Variants in CEP128 observed in about 807,000 individuals in gnomAD.
The protein encoded by CEP128 is centrosomal protein 128kDa.
A neutral mutation model predicts 156.7 loss-of-function variants in CEP128; 132 were observed. The ratio of observed to expected loss-of-function variants is 0.84; its 90% CI spans 0.73 to 0.97. The LOEUF is 0.97. Ranked by LOEUF, CEP128 falls within the 50% of genes least tolerant of loss-of-function variation. The pLI is 0.00. For missense variants in CEP128, 1,252 were observed against 1,281.9 expected, an observed-to-expected ratio of 0.98 and a Z score of 0.36; for synonymous variants, 469 against 448.9, an observed-to-expected ratio of 1.04 and a Z score of -0.57.
At chr14:80,691,996 G>A (rs891652476) in intron 19 of CEP128, among the ~76,000 whole-genome samples, 9 of 152,066 alleles carry the variant, frequency 5.9e-5, no homozygotes, top group African/African-American at 1.7e-4. Flanking sequence ...TCTTGCACAC[G>A]GACAGGCTGG....
At position 80,939,383 on chromosome 14, in the gene CEP128, A is replaced by G. The variant is rs1344062169; in HGVS notation, c.-16+2T>C. On this transcript the variant is annotated splice_donor_variant, in intron 2 of 24. Transcript: ENST00000555265. LOFTEE classifies it low-confidence loss of function (5UTR_SPLICE). ...AGAAACTCAGGGAGAAAGCATACTT[A>G]CAAAGCACACCCCCAAAACTCCGAG... The G allele has an allele frequency of 6.6e-6, 1 of 152,244 alleles. No homozygotes were observed. The highest frequency in any genetic ancestry group is 2.4e-5 in the African/African-American group (1 of 41,466). The allele number at this position is 152,244 out of a possible 1,614,324, so 9.4% of individuals were successfully genotyped here. A position where few individuals can be genotyped will look rare whatever the true frequency, so the allele number is the denominator to read the frequency against.
intron 16 of CEP128, among the ~76,000 whole-genome samples, chr14:80,764,554 A>T (rs1900144961): frequency 6.6e-6 from 1 of 152,136 alleles, no homozygotes. Flanking sequence ...CCACTTCACT[A>T]TCCTCTGTGG....
At chr14:80,704,490 A>G (rs995870597) in intron 19 of CEP128, among the ~76,000 whole-genome samples, 5 of 152,062 alleles carry the variant, frequency 3.3e-5, no homozygotes, top group Admixed American at 6.6e-5. Context: ...GAATATGTAC[A>G]CATTAGAATT....
intron 4 of CEP128, 65 bp from the exon 5 acceptor site, chr14:80,906,146 C>G (rs550284740): frequency 8.2e-7 from 1 of 1,222,322 alleles, no homozygotes; most frequent in African/African-American, 1.6e-5. Flanking sequence ...TACAAATAGA[C>G]CACAGATTTT....
At chr14:80,926,652 T>G (rs1033437321) in intron 2 of CEP128, among the ~76,000 whole-genome samples, 6 of 152,128 alleles carry the variant, frequency 3.9e-5, no homozygotes, top group African/African-American at 1.4e-4. Context: ...ATACCTCCCC[T>G]GGGTAACATA....
intron 18 of CEP128, among the ~76,000 whole-genome samples, chr14:80,755,493 A>G (rs162178): frequency 0.34 from 52,140 of 152,004 alleles, 9,373 homozygotes; most frequent in South Asian, 0.49. Context: ...TTATGCCACC[A>G]GTGCCAACAA....
chr14:80,482,654 C>A (rs932721771), intron 14 of CEP128, among the ~76,000 whole-genome samples: 1 of 152,204 alleles, frequency 6.6e-6, no homozygotes, highest in Non-Finnish European at 1.5e-5. Flanking sequence ...AACACTGCAT[C>A]ACCAGACATA....
At chr14:80,931,507 G>A (rs1188056147) in intron 2 of CEP128, among the ~76,000 whole-genome samples, 2 of 152,214 alleles carry the variant, frequency 1.3e-5, no homozygotes, top group Non-Finnish European at 2.9e-5. Context: ...ACACAGAAGT[G>A]AGATGGCTTT....
intron 9 of CEP128, among the ~76,000 whole-genome samples, chr14:80,846,587 G>GT (rs1425724632): frequency 6.6e-6 from 1 of 152,150 alleles, no homozygotes; most frequent in Non-Finnish European, 1.5e-5. Context: ...ATAAGAAAGT[G>GT]TAAGATAACA....
chr14:80,787,851 A>G (rs1002692286), intron 14 of CEP128, among the ~76,000 whole-genome samples: 1 of 152,188 alleles, frequency 6.6e-6, no homozygotes, highest in Non-Finnish European at 1.5e-5. Flanking sequence ...TGGATTAAAA[A>G]GCAAAGATAT....
intron 9 of CEP128, among the ~76,000 whole-genome samples, chr14:80,842,011 C>G (rs1375635001): frequency 6.6e-6 from 1 of 151,930 alleles, no homozygotes; most frequent in African/African-American, 2.4e-5. Context: ...AAAAGAAACT[C>G]TAATTCTCTT....
chr14:80,840,689 T>C lies in CEP128; in HGVS notation c.842A>G (p.Lys281Arg), dbSNP rs550964724. Residue 281 changes from lysine to arginine, a missense_variant, in exon 10 of 25, where the codon AAG (lysine) becomes AGG (arginine). By Grantham distance (26) the Lys-to-Arg change is conservative. Transcript: ENST00000555265. ...TAACTTTTAAAATCTTACTTGATTCTTCTCAGTTTCAGTTTGTCTTAGCTT... is the reference window on the plus strand; with the variant it reads ...TAACTTTTAAAATCTTACTTGATTCCTCTCAGTTTCAGTTTGTCTTAGCTT... Reference protein sequence around the residue: ...KNKLRQTETEKNQLEQELELS... With the variant: ...KNKLRQTETERNQLEQELELS... 1 of 1,595,678 alleles carries C rather than the reference T, an allele frequency of 6.3e-7. No homozygotes were observed. The highest frequency in any genetic ancestry group is 1.7e-5 in the Admixed American group (1 of 59,688).
intron 8 of CEP128, among the ~76,000 whole-genome samples, chr14:80,871,140 C>A (rs1223418343): frequency 6.6e-6 from 1 of 151,694 alleles, no homozygotes; most frequent in Non-Finnish European, 1.5e-5. Flanking sequence ...CAGAGAAAGC[C>A]ACATAACGTA....
downstream of CEP128, among the ~76,000 whole-genome samples, chr14:80,487,656 C>T (rs1447009191): frequency 6.6e-6 from 1 of 152,152 alleles, no homozygotes; most frequent in Non-Finnish European, 1.5e-5. Flanking sequence ...TGTAAAAGAA[C>T]AGAAATTACA....
intron 9 of CEP128, among the ~76,000 whole-genome samples, chr14:80,858,445 A>G (rs1329833368): frequency 1.7e-5 from 2 of 116,886 alleles, no homozygotes; most frequent in Non-Finnish European, 3.5e-5. Context: ...TAAAAACCCT[A>G]GAAGAAAACC....
chr14:80,536,157 A>G (rs566298895), intron 21 of CEP128, among the ~76,000 whole-genome samples: 8 of 152,324 alleles, frequency 5.3e-5, no homozygotes, highest in African/African-American at 1.4e-4. Flanking sequence ...GTATGACAAC[A>G]TAAGTAGCAG....
intron 21 of CEP128, 162 bp from the exon 22 acceptor site, chr14:80,531,048 T>C (rs1889202728): frequency 2.7e-6 from 1 of 369,708 alleles, no homozygotes; most frequent in South Asian, 1.1e-4. Context: ...AAGATAAATG[T>C]ATCTTTTGAA....
chr14:80,829,359 T>G (rs1394067757), intron 13 of CEP128, among the ~76,000 whole-genome samples: 5 of 152,204 alleles, frequency 3.3e-5, no homozygotes, highest in African/African-American at 1.2e-4. Context: ...AAAAAGAAAT[T>G]TATTCTTAGA....
chr14:80,592,921 C>T (rs1338754320), intron 19 of CEP128, among the ~76,000 whole-genome samples: 1 of 152,138 alleles, frequency 6.6e-6, no homozygotes, highest in Non-Finnish European at 1.5e-5. Context: ...TCAATAGATG[C>T]AGAAAAGGAC....
Sources: gnomAD v4.1 joint callset for allele counts (sites outside exome capture counted in the v4.1 genomes callset) on GRCh38, gnomAD v4.1.1 for gene constraint, MANE v1.5 for transcripts, NCBI Gene and HGNC (gene_info 2026-07-23, HGNC 2026-07-21) for gene names.